METTL15: variants seen among roughly 807,000 people sequenced by gnomAD.
METTL15 encodes the protein 12S rRNA N(4)-cytidine methyltransferase METTL15.
Under a neutral mutation model 38.3 loss-of-function variants are expected in METTL15, and 34 were observed. That is an observed-to-expected ratio of 0.89 (90% CI 0.68 to 1.18). The LOEUF (loss-of-function observed/expected upper bound fraction) is 1.18. Ranked by LOEUF, METTL15 falls within the 50% of genes most tolerant of loss-of-function variation. METTL15 has a pLI of 0.00. For missense variants in METTL15, 438 were observed against 498.4 expected, an observed-to-expected ratio of 0.88 and a Z score of 1.15; for synonymous variants, 162 against 170.9, an observed-to-expected ratio of 0.95 and a Z score of 0.41.
At chr11:28,374,073 G>T (rs1232466470) in intron 5 of METTL15, among the ~76,000 whole-genome samples, 1 of 152,136 alleles carries the variant, frequency 6.6e-6, no homozygotes, top group African/African-American at 2.4e-5. Flanking sequence ...CTGTAGCCTT[G>T]TAGTATAGTT....
chr11:28,391,979 T>G (rs1187369956), intron 5 of METTL15, among the ~76,000 whole-genome samples: 2 of 152,056 alleles, frequency 1.3e-5, no homozygotes, highest in African/African-American at 4.8e-5. Context: ...CTAATTAAAC[T>G]AAAGAGCTTC....
intron 3 of METTL15, among the ~76,000 whole-genome samples, chr11:28,344,586 A>AT (rs376901521): frequency 2.0e-4 from 30 of 152,256 alleles, no homozygotes; most frequent in African/African-American, 5.5e-4. Context: ...AAAGGCTGAG[A>AT]TTTCTGCCTT....
At chr11:28,475,156 C>T (rs1851334845) in intron 6 of METTL15, among the ~76,000 whole-genome samples, 1 of 152,104 alleles carries the variant, frequency 6.6e-6, no homozygotes, top group South Asian at 2.1e-4. Context: ...AAGGTAAACC[C>T]ACTAGAAAGA....
At chr11:28,338,790 T>G (rs1280403523) in intron 3 of METTL15, among the ~76,000 whole-genome samples, 3 of 152,122 alleles carry the variant, frequency 2.0e-5, no homozygotes, top group African/African-American at 7.2e-5. Flanking sequence ...AAACCAGGAC[T>G]TCAGCTTTGG....
At chr11:28,356,223 G>A (rs1023377342) in intron 4 of METTL15, among the ~76,000 whole-genome samples, 2 of 152,176 alleles carry the variant, frequency 1.3e-5, no homozygotes, top group African/African-American at 4.8e-5. Context: ...GTTTTACAAT[G>A]TAATTATTTT....
At chr11:28,133,997 G>A (rs1445290639) in intron 3 of METTL15, among the ~76,000 whole-genome samples, 4 of 152,120 alleles carry the variant, frequency 2.6e-5, no homozygotes, top group East Asian at 1.9e-4. Context: ...ATTACTATAC[G>A]AGTGACCAAC....
intron 4 of METTL15, among the ~76,000 whole-genome samples, chr11:28,231,464 C>CT (rs1282422605): frequency 6.6e-6 from 1 of 151,722 alleles, no homozygotes; most frequent in Non-Finnish European, 1.5e-5. Flanking sequence ...ATAAAACAGG[C>CT]TTTTTTTCTT....
intron 4 of METTL15, among the ~76,000 whole-genome samples, chr11:28,285,759 C>G (rs1856235543): frequency 6.6e-6 from 1 of 152,098 alleles, no homozygotes. Flanking sequence ...TAGCAATAAT[C>G]AGAGCTGTGT....
intron 5 of METTL15, among the ~76,000 whole-genome samples, chr11:28,403,671 A>G (rs1445665091): frequency 6.6e-6 from 1 of 152,056 alleles, no homozygotes; most frequent in Non-Finnish European, 1.5e-5. Flanking sequence ...GAACCATGTC[A>G]TAGATACTCT....
At chr11:28,399,775 C>A (rs533839357) in intron 5 of METTL15, among the ~76,000 whole-genome samples, 74 of 151,856 alleles carry the variant, frequency 4.9e-4, no homozygotes, top group South Asian at 1.2e-3. Context: ...TTTAAAAAAT[C>A]TTTATGTATA....
intron 6 of METTL15, among the ~76,000 whole-genome samples, chr11:28,450,553 A>G (rs1394097820): frequency 6.6e-6 from 1 of 152,250 alleles, no homozygotes; most frequent in African/African-American, 2.4e-5. Context: ...TAGCGGTAGC[A>G]GAAGAGCTGA....
intron 6 of METTL15, among the ~76,000 whole-genome samples, chr11:28,509,678 G>C (rs967279915): frequency 1.3e-5 from 2 of 152,094 alleles, no homozygotes; most frequent in Non-Finnish European, 2.9e-5. Context: ...TTGCTTCTTT[G>C]TTTGTAAAAT....
chr11:28,263,661 T>G (rs575616546), intron 4 of METTL15, among the ~76,000 whole-genome samples: 6 of 152,100 alleles, frequency 3.9e-5, no homozygotes, highest in Non-Finnish European at 5.9e-5. Context: ...ATGTGCAACA[T>G]TTTTCATGGA....
At chr11:28,183,964 C>G (rs906879746) in intron 3 of METTL15, among the ~76,000 whole-genome samples, 1 of 151,984 alleles carries the variant, frequency 6.6e-6, no homozygotes, top group East Asian at 1.9e-4. Flanking sequence ...AGGGATTCAA[C>G]TTCTTCGTGT....
intron 4 of METTL15, among the ~76,000 whole-genome samples, chr11:28,271,265 AT>A (rs1855628608): frequency 6.6e-6 from 1 of 152,132 alleles, no homozygotes; most frequent in Admixed American, 6.5e-5. Context: ...ATTAACCCAA[AT>A]AATTGACCCT....
At chr11:28,291,452 A>G (rs1856510808) in intron 5 of METTL15, among the ~76,000 whole-genome samples, 1 of 152,090 alleles carries the variant, frequency 6.6e-6, no homozygotes, top group Non-Finnish European at 1.5e-5. Context: ...TACCTGTAAA[A>G]CTTAACTGTG....
At chr11:28,265,666 A>G (rs912606598) in intron 4 of METTL15, among the ~76,000 whole-genome samples, 2 of 152,000 alleles carry the variant, frequency 1.3e-5, no homozygotes, top group Non-Finnish European at 2.9e-5. Context: ...TCCTATCTAG[A>G]TTCACACTCT....
At chr11:28,411,170 A>T (rs370759313) in intron 5 of METTL15, among the ~76,000 whole-genome samples, 5 of 152,172 alleles carry the variant, frequency 3.3e-5, no homozygotes, top group African/African-American at 1.2e-4. Context: ...TATTCATACT[A>T]CCCAAAGCAA....
intron 3 of METTL15, among the ~76,000 whole-genome samples, chr11:28,132,543 AAATC>A (rs1202872785): frequency 1.3e-5 from 2 of 152,038 alleles, no homozygotes; most frequent in Non-Finnish European, 2.9e-5. Context: ...TGAATCAGTT[AAATC>A]AATTAATTAA....
Sources: allele counts gnomAD v4.1 joint callset (sites outside exome capture counted in the v4.1 genomes callset), GRCh38; gene constraint gnomAD v4.1.1; transcripts MANE v1.5; gene names NCBI Gene and HGNC (gene_info 2026-07-23, HGNC 2026-07-21).